Variants in COG5 observed in about 807,000 individuals in gnomAD.
The protein encoded by COG5 is conserved oligomeric Golgi complex subunit 5.
In COG5, 86 loss-of-function variants were observed where a neutral mutation model predicts 110.4. That is an observed-to-expected ratio of 0.78 (90% confidence interval 0.65 to 0.93). COG5 has a LOEUF of 0.93. Among genes scored for constraint, COG5 ranks in the 40% least tolerant of loss-of-function variants. COG5 has a pLI of 0.00. For missense variants in COG5, 1,077 were observed against 987.0 expected (o/e 1.09, Z -1.22); for synonymous variants, 360 against 334.6 (o/e 1.08, Z -0.83).
chr7:107,256,930 T>C (rs1802932373), intron 15 of COG5, 136 bp from the exon 16 acceptor site: 2 of 657,048 alleles, frequency 3.0e-6, no homozygotes, highest in Non-Finnish European at 2.7e-6. Flanking sequence ...TAATATCTTA[T>C]ACATGATTTT....
chr7:107,367,719 A>T (rs373472467), intron 8 of COG5, among the ~76,000 whole-genome samples: 2 of 152,160 alleles, frequency 1.3e-5, no homozygotes, highest in South Asian at 2.1e-4. Flanking sequence ...CTCACTTATA[A>T]GTGGGAGCTA....
intron 3 of COG5, 108 bp downstream of exon 3, chr7:107,554,177 C>T: frequency 1.1e-6 from 1 of 884,110 alleles, no homozygotes; most frequent in Non-Finnish European, 1.9e-6. Context: ...GCAACAGAGA[C>T]TGTATGGCTG....
intron 12 of COG5, among the ~76,000 whole-genome samples, chr7:107,295,026 TAC>T (rs1562955496): frequency 1.0e-5 from 1 of 99,676 alleles, no homozygotes; most frequent in African/African-American, 3.6e-5. Flanking sequence ...CATATATATA[TAC>T]ACACACATAT....
chr7:107,434,698 C>T (rs140120021), intron 6 of COG5, among the ~76,000 whole-genome samples: 2,109 of 152,152 alleles, frequency 0.014, 48 homozygotes, highest in African/African-American at 0.047. Flanking sequence ...TGGCTGGGCG[C>T]GGTGGCTCAC....
At chr7:107,208,038 G>T (rs938953944) in intron 21 of COG5, 3 of 985,308 alleles carry the variant, frequency 3.0e-6, no homozygotes, top group Admixed American at 1.2e-4. Context: ...ACAGGGGAAA[G>T]AAATTCATCC....
chr7:107,372,497 T>A, intron 8 of COG5, 98 bp downstream of exon 8: 15 of 1,129,744 alleles, frequency 1.3e-5, no homozygotes, highest in Non-Finnish European at 1.8e-5. Flanking sequence ...AAAAAATGAG[T>A]CATTAGATTG....
rs901786016 is a variant in COG5 at position 107,507,117 on chromosome 7, A to T, written c.538+20120T>A. On this transcript the variant is annotated intron_variant, in intron 6 of 21. Coordinates refer to ENST00000297135, the MANE Select transcript of COG5 (RefSeq NM_006348.5). ...GGGTTGGATTGTCAGGTTCCCCTGT[A>T]GGGGTGTGTATCCTGGAGGCAGTCT... 3.3e-5 allele frequency among the ~76,000 whole-genome samples: 5 copies of T among 152,236 alleles called. No homozygotes were observed. The East Asian group carries it at 9.7e-4, about 29-fold the overall frequency.
chr7:107,208,862 C>A, intron 21 of COG5: 1 of 985,472 alleles, frequency 1.0e-6, no homozygotes, highest in South Asian at 4.7e-5. Context: ...TCTTACTGAC[C>A]TGTCATAGCT....
At chr7:107,413,599 CAGA>C (rs1373828885) in intron 6 of COG5, among the ~76,000 whole-genome samples, 2 of 151,446 alleles carry the variant, frequency 1.3e-5, no homozygotes, top group East Asian at 1.9e-4. Context: ...CCCTTCACCA[CAGA>C]AGAATAGAGG....
At chr7:107,485,951 G>A (rs1455248163) in intron 6 of COG5, among the ~76,000 whole-genome samples, 1 of 152,112 alleles carries the variant, frequency 6.6e-6, no homozygotes, top group Admixed American at 6.6e-5. Flanking sequence ...CTGGCTGATG[G>A]CATCAGGGCA....
chr7:107,219,701 T>C (rs947339184), intron 19 of COG5, among the ~76,000 whole-genome samples: 10 of 152,078 alleles, frequency 6.6e-5, no homozygotes, highest in Non-Finnish European at 5.9e-5. Context: ...TGGGGAGGTT[T>C]TAGTTAAAGG....
chr7:107,220,000 A>G (rs1173343640), intron 19 of COG5, among the ~76,000 whole-genome samples: 1 of 152,228 alleles, frequency 6.6e-6, no homozygotes, highest in Non-Finnish European at 1.5e-5. Context: ...AGGTACTATT[A>G]CATCCCCATT....
chr7:107,207,681 A>T (rs1413895707), intron 21 of COG5, among the ~76,000 whole-genome samples: 3 of 152,224 alleles, frequency 2.0e-5, no homozygotes, highest in African/African-American at 7.2e-5. Flanking sequence ...GAGGGAGCAC[A>T]CGTGTCTGGA....
At chr7:107,295,032 C>T (rs1384034194) in intron 12 of COG5, among the ~76,000 whole-genome samples, 1 of 92,824 alleles carries the variant, frequency 1.1e-5, no homozygotes, top group Non-Finnish European at 2.3e-5. Flanking sequence ...TATATACACA[C>T]ACATATACAC....
chr7:107,291,629 A>T (rs887255492), intron 12 of COG5, among the ~76,000 whole-genome samples: 1 of 152,164 alleles, frequency 6.6e-6, no homozygotes, highest in African/African-American at 2.4e-5. Context: ...GACCACACCC[A>T]GATACTAAAC....
At chr7:107,416,184 G>A (rs1792831628) in intron 6 of COG5, among the ~76,000 whole-genome samples, 1 of 151,682 alleles carries the variant, frequency 6.6e-6, no homozygotes, top group Non-Finnish European at 1.5e-5. Context: ...ATGTGTATCA[G>A]AAGACATGTA....
chr7:107,505,199 A>G (rs1798905332), intron 6 of COG5, among the ~76,000 whole-genome samples: 1 of 152,170 alleles, frequency 6.6e-6, no homozygotes, highest in African/African-American at 2.4e-5. Context: ...GCTTCAGGCC[A>G]ATACAGGAGG....
At chr7:107,531,705 T>A (rs1801217477) in intron 5 of COG5, among the ~76,000 whole-genome samples, 1 of 150,908 alleles carries the variant, frequency 6.6e-6, no homozygotes. Context: ...TGAAATTGAT[T>A]TAAACATAAT....
rs113042368 is a variant in COG5 at position 107,549,059 on chromosome 7, A to G, written c.293-727T>C. 6.6e-5 allele frequency among the ~76,000 whole-genome samples: 10 copies of G among 152,370 alleles called. 3 individuals are homozygous for G. The highest frequency in any genetic ancestry group is 2.4e-4 in the African/African-American group (10 of 41,588). The stretch of plus-strand genomic sequence containing the variant: ...AATGAAATAATATTGGAACAAATAA[A>G]CATTCCTATCAGCATACAAGTATAC... On this transcript the variant is annotated intron_variant, in intron 3 of 21. Transcript: ENST00000297135.
Sources: allele counts gnomAD v4.1 joint callset (sites outside exome capture counted in the v4.1 genomes callset), GRCh38; gene constraint gnomAD v4.1.1; transcripts MANE v1.5; gene names NCBI Gene and HGNC (gene_info 2026-07-23, HGNC 2026-07-21).